The following MYO16 variants were observed in gnomAD, a reference collection of about 807,000 sequenced individuals.
MYO16 encodes the protein unconventional myosin-XVI.
A neutral mutation model predicts 205.3 loss-of-function variants in MYO16; 94 were observed. That is an observed-to-expected ratio of 0.46 (90% CI 0.39 to 0.54). The LOEUF (loss-of-function observed/expected upper bound fraction) is 0.54. Among genes scored for constraint, MYO16 ranks in the 20% least tolerant of loss-of-function variants. The pLI is 0.00. For synonymous variants in MYO16, 988 were observed against 954.0 expected, an observed-to-expected ratio of 1.04 and a Z score of -0.66; for missense variants, 2,315 against 2,387.5, an observed-to-expected ratio of 0.97 and a Z score of 0.63.
rs150260190 is a variant in MYO16 at position 109,055,473 on chromosome 13, G to T, written c.3213G>T (p.Leu1071=). 6.2e-7 allele frequency: 1 copy of T among 1,613,170 alleles called. No homozygotes were observed. The highest frequency in any genetic ancestry group is 8.5e-7 in the Non-Finnish European group (1 of 1,179,460). ...GCATCAGGCCCAATAACTCAAAGCT[G>T]CCAGATACTTTTGATAATTTTTACG... ...IHCIRPNNSK[L]PDTFDNFYVS... The change falls in exon 27 of 35, where the codon CTG becomes CTT. Residue 1071 remains leucine, a synonymous_variant. Coordinates refer to ENST00000457511, the MANE Select transcript of MYO16 (RefSeq NM_001198950.3). The surrounding 1 kb of genome is among the most constrained non-coding windows in gnomAD (Gnocchi z 5.0).
At chr13:108,580,210 T>A in the MYO16 span, among the ~76,000 whole-genome samples, 2 of 152,172 alleles carry the variant, frequency 1.3e-5, no homozygotes, top group East Asian at 3.8e-4. Context: ...GATAAACATT[T>A]TCCTATACAG....
chr13:108,982,042 A>C (rs1349593700), intron 20 of MYO16, among the ~76,000 whole-genome samples: 1 of 152,254 alleles, frequency 6.6e-6, no homozygotes, highest in Non-Finnish European at 1.5e-5. Context: ...AGAAAGATCC[A>C]GAAGTGCTTT....
At chr13:109,205,453 A>G (rs967116301) in intron 34 of MYO16, among the ~76,000 whole-genome samples, 29 of 152,150 alleles carry the variant, frequency 1.9e-4, no homozygotes, top group African/African-American at 6.8e-4. Flanking sequence ...ATTTTCTCTC[A>G]TTTTAATGGA....
At chr13:109,131,567 A>G (rs1876541946) in intron 31 of MYO16, among the ~76,000 whole-genome samples, 1 of 152,208 alleles carries the variant, frequency 6.6e-6, no homozygotes, top group Admixed American at 6.5e-5. Flanking sequence ...GTACATGTGC[A>G]CAACGTGCAG....
intron 23 of MYO16, among the ~76,000 whole-genome samples, chr13:109,026,976 A>G (rs1445464503): frequency 6.6e-6 from 1 of 152,206 alleles, no homozygotes; most frequent in Non-Finnish European, 1.5e-5. Flanking sequence ...GTACAGCAGC[A>G]TATTAATTTC....
At chr13:108,604,054 G>A (rs1878862630) in intron 1 of MYO16, among the ~76,000 whole-genome samples, 1 of 152,104 alleles carries the variant, frequency 6.6e-6, no homozygotes, top group African/African-American at 2.4e-5. Flanking sequence ...CAAGGCGGCA[G>A]GTGAGAGAAA....
chr13:108,972,330 CTATATATATATATATATAGCCATATA>C (rs1566439738), intron 20 of MYO16, among the ~76,000 whole-genome samples: 1 of 6,590 alleles, frequency 1.5e-4, no homozygotes, highest in African/African-American at 3.0e-4. Flanking sequence ...ATATAGCCAT[CTATATATATATATATATAGCCATATA>C]TATATATATA....
At chr13:109,036,842 A>G (rs1327250561) in intron 23 of MYO16, among the ~76,000 whole-genome samples, 1 of 152,228 alleles carries the variant, frequency 6.6e-6, no homozygotes, top group African/African-American at 2.4e-5. Context: ...GGGAAAAGGA[A>G]GGCATAAACC....
At chr13:108,943,458 A>AT (rs930472893) in intron 16 of MYO16, among the ~76,000 whole-genome samples, 5 of 151,262 alleles carry the variant, frequency 3.3e-5, no homozygotes, top group East Asian at 1.9e-4. Flanking sequence ...TCTTTTTTTT[A>AT]TTTTTTTTAT....
At chr13:109,206,428 A>G (rs1880600178) in intron 34 of MYO16, among the ~76,000 whole-genome samples, 181 bp from the exon 35 acceptor site, 1 of 152,144 alleles carries the variant, frequency 6.6e-6, no homozygotes, top group South Asian at 2.1e-4. Flanking sequence ...TTAACTCAGC[A>G]ATTCACAGCC....
chr13:109,123,283 G>A (rs1460106258), intron 29 of MYO16, among the ~76,000 whole-genome samples: 3 of 152,178 alleles, frequency 2.0e-5, no homozygotes, highest in Non-Finnish European at 2.9e-5. Flanking sequence ...TTCCGGAGGC[G>A]GGACAATAGA....
intron 2 of MYO16, among the ~76,000 whole-genome samples, chr13:108,706,912 A>G (rs1883530626): frequency 6.6e-6 from 1 of 152,188 alleles, no homozygotes; most frequent in Non-Finnish European, 1.5e-5. Flanking sequence ...GGTCTCGGCT[A>G]GTGCTTGATT....
chr13:108,980,960 A>G (rs1884429330), intron 20 of MYO16, among the ~76,000 whole-genome samples: 1 of 152,374 alleles, frequency 6.6e-6, no homozygotes, highest in African/African-American at 2.4e-5. Context: ...TCACACAGCC[A>G]GAAAATGATG....
chr13:108,625,530 C>T (rs151011312), upstream of MYO16, among the ~76,000 whole-genome samples: 1 of 152,134 alleles, frequency 6.6e-6, no homozygotes, highest in Non-Finnish European at 1.5e-5. Context: ...CAGGAGAGGT[C>T]TTGACTCCAT....
chr13:109,010,523 C>T (rs1885556584), intron 22 of MYO16, among the ~76,000 whole-genome samples: 1 of 152,138 alleles, frequency 6.6e-6, no homozygotes, highest in Admixed American at 6.6e-5. Context: ...GAATGTCTAT[C>T]TCCTTTATAC....
chr13:109,054,284 A>C (rs1241795336), intron 25 of MYO16: 2 of 380,966 alleles, frequency 5.2e-6, no homozygotes, highest in Non-Finnish European at 1.0e-5. Flanking sequence ...AAAAAAATAG[A>C]GTCTACTACC....
chr13:108,993,633 C>A (rs1884910554), intron 21 of MYO16, among the ~76,000 whole-genome samples: 1 of 152,128 alleles, frequency 6.6e-6, no homozygotes, highest in Non-Finnish European at 1.5e-5. Flanking sequence ...CAATAGATCT[C>A]TTCTCCTTTC....
intron 3 of MYO16, 136 bp from the exon 4 acceptor site, chr13:108,727,304 C>A (rs1264352796): frequency 1.4e-5 from 11 of 802,898 alleles, no homozygotes; most frequent in Non-Finnish European, 2.1e-5. Context: ...TGGGGAAATA[C>A]ATCTTTTCCC....
At chr13:108,736,780 G>T (rs1188732919) in intron 4 of MYO16, among the ~76,000 whole-genome samples, 1 of 152,182 alleles carries the variant, frequency 6.6e-6, no homozygotes, top group African/African-American at 2.4e-5. Flanking sequence ...CATGAGCATG[G>T]AATGTTCTTC....
Sources: allele counts gnomAD v4.1 joint callset (sites outside exome capture counted in the v4.1 genomes callset), GRCh38; gene constraint gnomAD v4.1.1; non-coding constraint Gnocchi (gnomAD v3.1); transcripts MANE v1.5; gene names NCBI Gene and HGNC (gene_info 2026-07-23, HGNC 2026-07-21).